MEF2C: variants seen among roughly 807,000 people sequenced by gnomAD.
The protein encoded by MEF2C is myocyte-specific enhancer factor 2C.
Under a neutral mutation model 50.5 loss-of-function variants are expected in MEF2C, and 6 were observed. The ratio of observed to expected loss-of-function variants is 0.12; its 90% CI spans 0.07 to 0.23. MEF2C has a LOEUF of 0.23. Ranked by LOEUF, MEF2C falls within the 10% of genes least tolerant of loss-of-function variation. The pLI, the probability that MEF2C is intolerant of heterozygous loss-of-function variation, is 1.00. For synonymous variants in MEF2C, 183 were observed against 228.0 expected, an observed-to-expected ratio of 0.80 and a Z score of 1.78; for missense variants, 276 against 605.0, an observed-to-expected ratio of 0.46 and a Z score of 5.70.
At position 88,720,153 on chromosome 5, in the gene MEF2C, G is replaced by A. The variant is rs1168512891; in HGVS notation, c.*2451C>T. On this transcript the variant is annotated 3_prime_UTR_variant, in exon 11 of 11. Transcript: ENST00000504921. ...TATACACATCAAGTTAGAAGGATGGGTTGTAAGGATGGGATCAAGTCTATG... is the reference window on the plus strand; with the variant it reads ...TATACACATCAAGTTAGAAGGATGGATTGTAAGGATGGGATCAAGTCTATG... 1 of 152,058 alleles carries A rather than the reference G, an allele frequency of 6.6e-6. No homozygotes were observed. The highest frequency in any genetic ancestry group is 2.4e-5 in the African/African-American group (1 of 41,424). 9.4% of individuals were successfully genotyped at this position (152,058 alleles called of 1,614,324 possible). A position where few individuals can be genotyped will look rare whatever the true frequency, so the allele number is the denominator to read the frequency against.
At chr5:88,852,756 A>G (rs1821849232) in intron 1 of MEF2C, among the ~76,000 whole-genome samples, 2 of 151,762 alleles carry the variant, frequency 1.3e-5, no homozygotes, top group Admixed American at 1.3e-4. Context: ...TAAAATACAA[A>G]ATACAAAAAT....
At chr5:88,763,795 C>G (rs530841767) in intron 3 of MEF2C, among the ~76,000 whole-genome samples, 134 of 152,088 alleles carry the variant, frequency 8.8e-4, no homozygotes, top group African/African-American at 3.1e-3. Context: ...GTTGGTACTA[C>G]AGGTGTGTGC....
intron 1 of MEF2C, chr5:88,839,359 ATCT>A (rs1816480781): frequency 1.4e-5 from 2 of 144,648 alleles, no homozygotes; most frequent in African/African-American, 2.6e-5. Context: ...CTCTCTATCT[ATCT>A]ATCTCTACCT....
At chr5:88,815,604 T>A (rs945262941) in intron 2 of MEF2C, among the ~76,000 whole-genome samples, 1 of 152,134 alleles carries the variant, frequency 6.6e-6, no homozygotes, top group Non-Finnish European at 1.5e-5. Flanking sequence ...ATGATGTCAT[T>A]TACTTAATTT....
intron 2 of MEF2C, chr5:88,817,670 T>G (rs1257271466): frequency 6.6e-6 from 1 of 151,970 alleles, no homozygotes; most frequent in Non-Finnish European, 1.5e-5. Flanking sequence ...GTGCCAGATC[T>G]GATGAAAGAA....
chr5:88,874,594 T>C (rs1830511559), intron 1 of MEF2C, among the ~76,000 whole-genome samples: 2 of 151,970 alleles, frequency 1.3e-5, no homozygotes, highest in African/African-American at 4.8e-5. Flanking sequence ...TTAAGATCTA[T>C]GTTGTATTAA....
chr5:88,828,985 C>T (rs1388827476), intron 1 of MEF2C, among the ~76,000 whole-genome samples: 1 of 151,894 alleles, frequency 6.6e-6, no homozygotes, highest in East Asian at 1.9e-4. Context: ...AAATCACATA[C>T]CCAAGACTCA....
intron 3 of MEF2C, chr5:88,782,053 C>T (rs1270700174): frequency 1.3e-6 from 1 of 778,658 alleles, no homozygotes; most frequent in African/African-American, 1.9e-5. Context: ...GAGAAGAGCC[C>T]AGGCAACCTA....
intron 10 of MEF2C, among the ~76,000 whole-genome samples, chr5:88,727,993 T>C (rs1324664107): frequency 6.6e-6 from 1 of 151,958 alleles, no homozygotes; most frequent in Non-Finnish European, 1.5e-5. Flanking sequence ...TACTAGTTAG[T>C]ATTATATACA....
intron 10 of MEF2C, among the ~76,000 whole-genome samples, chr5:88,724,942 A>G (rs1758033261): frequency 6.6e-6 from 1 of 152,188 alleles, no homozygotes. Flanking sequence ...ATATGTCAAT[A>G]AATACTTTTG....
At chr5:88,807,074 A>G (rs894958914) in intron 2 of MEF2C, among the ~76,000 whole-genome samples, 1 of 152,230 alleles carries the variant, frequency 6.6e-6, no homozygotes, top group African/African-American at 2.4e-5. Flanking sequence ...AACAATACAT[A>G]TATTCCTTAC....
intron 3 of MEF2C, among the ~76,000 whole-genome samples, chr5:88,794,030 T>C (rs969294715): frequency 1.3e-5 from 2 of 152,212 alleles, no homozygotes; most frequent in African/African-American, 4.8e-5. Flanking sequence ...ACATTTTCTT[T>C]ATCCAGTCTA....
chr5:88,852,217 CTAAA>C (rs1236806822), intron 1 of MEF2C, among the ~76,000 whole-genome samples: 3 of 152,232 alleles, frequency 2.0e-5, no homozygotes, highest in African/African-American at 4.8e-5. Flanking sequence ...CATCCTTTAA[CTAAA>C]TACTTTAAAT....
chr5:88,878,747 G>GA (rs887612247), intron 1 of MEF2C, among the ~76,000 whole-genome samples: 3 of 151,404 alleles, frequency 2.0e-5, no homozygotes, highest in South Asian at 2.1e-4. Context: ...GACACAGCAG[G>GA]AAAAAAAATT....
chr5:88,853,614 A>G (rs1269762981), intron 1 of MEF2C, among the ~76,000 whole-genome samples: 4 of 152,224 alleles, frequency 2.6e-5, no homozygotes, highest in Admixed American at 1.3e-4. Context: ...AGTGATTTGA[A>G]TATCATTTTG....
chr5:88,725,145 T>C (rs994061310), intron 10 of MEF2C, among the ~76,000 whole-genome samples: 10 of 152,150 alleles, frequency 6.6e-5, no homozygotes, highest in African/African-American at 1.9e-4. Context: ...CATCTTCCTA[T>C]GTTAACTGGC....
At chr5:88,741,504 C>T in intron 6 of MEF2C, 2 of 985,270 alleles carry the variant, frequency 2.0e-6, no homozygotes, top group South Asian at 9.4e-5. Context: ...ACTCCTTGGG[C>T]AAAAATTTTG....
At chr5:88,731,470 G>A (rs1199104834) in intron 7 of MEF2C, 1 of 351,064 alleles carries the variant, frequency 2.8e-6, no homozygotes, top group Non-Finnish European at 5.2e-6. Context: ...AGCCTTAAAA[G>A]AAAATGTTTT....
intron 3 of MEF2C, among the ~76,000 whole-genome samples, chr5:88,802,556 C>G (rs183995204): frequency 6.6e-6 from 1 of 152,202 alleles, no homozygotes; most frequent in Non-Finnish European, 1.5e-5. Context: ...AAGCCATCTT[C>G]CCCCTTCAGC....
Sources: allele counts gnomAD v4.1 joint callset (sites outside exome capture counted in the v4.1 genomes callset), GRCh38; gene constraint gnomAD v4.1.1; transcripts MANE v1.5; gene names NCBI Gene and HGNC (gene_info 2026-07-23, HGNC 2026-07-21).